OXR1: variants seen among roughly 807,000 people sequenced by gnomAD.
The protein encoded by OXR1 is oxidation resistance 1.
In OXR1, 41 loss-of-function variants were observed where a neutral mutation model predicts 104.6. The ratio of observed to expected loss-of-function variants is 0.39; its 90% CI spans 0.31 to 0.51. The LOEUF (loss-of-function observed/expected upper bound fraction) is 0.51, where lower values mean the gene tolerates loss of function less well. Among genes scored for constraint, OXR1 ranks in the 20% least tolerant of loss-of-function variants. OXR1 has a pLI of 0.77. For missense variants in OXR1, 955 were observed against 1,031.9 expected (o/e 0.93, Z 1.02); for synonymous variants, 348 against 348.4 (o/e 1.00, Z 0.01).
chr8:106,585,110 C>A (rs563196672), intron 3 of OXR1, among the ~76,000 whole-genome samples: 15 of 152,174 alleles, frequency 9.9e-5, no homozygotes, highest in African/African-American at 3.4e-4. Flanking sequence ...ATCATCTCTG[C>A]ACTTTTATGG....
intron 1 of OXR1, among the ~76,000 whole-genome samples, chr8:106,324,042 C>G (rs565916098): frequency 6.6e-6 from 1 of 152,204 alleles, no homozygotes; most frequent in South Asian, 2.1e-4. Context: ...ATCATTTTAC[C>G]ATAAAGATGC....
intron 3 of OXR1, among the ~76,000 whole-genome samples, chr8:106,673,488 A>G (rs1827249407): frequency 6.6e-6 from 1 of 152,240 alleles, no homozygotes; most frequent in Non-Finnish European, 1.5e-5. Flanking sequence ...AGCAGAGCTA[A>G]AAAGTTTGGA....
chr8:106,572,545 C>A (rs1817152), intron 3 of OXR1, among the ~76,000 whole-genome samples: 76,329 of 151,964 alleles, frequency 0.5, 19,384 homozygotes, highest in African/African-American at 0.54. Flanking sequence ...GACCCAAGCC[C>A]TACCTTTGAT....
At chr8:106,641,150 C>T (rs1823592852) in intron 3 of OXR1, among the ~76,000 whole-genome samples, 1 of 152,200 alleles carries the variant, frequency 6.6e-6, no homozygotes, top group African/African-American at 2.4e-5. Context: ...TTGCACACAG[C>T]TGTCTTCTTC....
chr8:106,718,799 A>C (rs2131444098), intron 11 of OXR1, among the ~76,000 whole-genome samples: 1 of 150,938 alleles, frequency 6.6e-6, no homozygotes, highest in South Asian at 2.1e-4. Flanking sequence ...AGATCATGCC[A>C]CTGCACTGCA....
intron 2 of OXR1, among the ~76,000 whole-genome samples, chr8:106,369,560 G>C (rs1816620514): frequency 6.6e-6 from 1 of 152,120 alleles, no homozygotes; most frequent in African/African-American, 2.4e-5. Context: ...AATCCATCTT[G>C]AGTTAATTTT....
At chr8:106,451,294 A>G (rs55862649) in intron 2 of OXR1, among the ~76,000 whole-genome samples, 2 of 152,296 alleles carry the variant, frequency 1.3e-5, no homozygotes, top group African/African-American at 2.4e-5. Flanking sequence ...GCTTATTATC[A>G]TTGCAATTGG....
At chr8:106,339,299 T>C (rs1297749854) in intron 1 of OXR1, among the ~76,000 whole-genome samples, 1 of 150,890 alleles carries the variant, frequency 6.6e-6, no homozygotes. Context: ...ATAGAGACCA[T>C]CCTGGCTAAC....
chr8:106,273,108 C>A (rs1811883831), intron 1 of OXR1, among the ~76,000 whole-genome samples: 1 of 151,930 alleles, frequency 6.6e-6, no homozygotes, highest in African/African-American at 2.4e-5. Flanking sequence ...AGGATTGTAC[C>A]CTTGGGCTGG....
In OXR1 at chr8:106,665,788, A is replaced by G. The variant is rs548836673; in HGVS notation, c.221-13422A>G. ...CAAAAAGGAATGTGTTTTAGGGTCA[A>G]ATACATACATTAGAGAAAGGACAAA... On this transcript the variant is annotated intron_variant, in intron 3 of 16. Transcript: ENST00000517566. Among the ~76,000 whole-genome samples the G allele has an allele frequency of 2.6e-5, 4 of 152,328 alleles. No individual in the cohort carries two copies. The East Asian group carries it at 7.7e-4, about 29-fold the overall frequency.
chr8:106,709,348 C>G (rs193075395), intron 9 of OXR1, among the ~76,000 whole-genome samples: 2 of 151,892 alleles, frequency 1.3e-5, no homozygotes, highest in Admixed American at 6.6e-5. Context: ...ATTTATTTAA[C>G]CATTTGCTTA....
intron 3 of OXR1, among the ~76,000 whole-genome samples, chr8:106,573,344 TACACAC>T (rs3046716): frequency 0.45 from 66,614 of 146,578 alleles, 15,055 homozygotes; most frequent in African/African-American, 0.55. Context: ...AACCATCACA[TACACAC>T]ACACACACAC....
intron 3 of OXR1, among the ~76,000 whole-genome samples, chr8:106,647,207 G>C (rs1479760406): frequency 6.6e-6 from 1 of 152,124 alleles, no homozygotes; most frequent in Non-Finnish European, 1.5e-5. Context: ...TTTCAGAATT[G>C]AAAGAAAATT....
At chr8:106,549,873 T>C (rs556872538) in intron 3 of OXR1, among the ~76,000 whole-genome samples, 12 of 152,172 alleles carry the variant, frequency 7.9e-5, no homozygotes, top group Non-Finnish European at 1.8e-4. Context: ...ACATATGACT[T>C]TTGGACAACA....
chr8:106,595,153 C>T (rs1819416985), intron 3 of OXR1, among the ~76,000 whole-genome samples: 1 of 152,238 alleles, frequency 6.6e-6, no homozygotes, highest in African/African-American at 2.4e-5. Flanking sequence ...AACTTCTGTT[C>T]TCTAGACTCT....
rs372084832 is a variant in OXR1, at chr8:106,328,695, G to A, written c.-138-30781G>A. Among the ~76,000 whole-genome samples, 13 of 152,174 alleles carry A rather than the reference G, an allele frequency of 8.5e-5. 1 individual carries two copies. In the East Asian group the frequency reaches 1.7e-3, roughly 20 times the overall value. ...AGAATAAAGAATAAAAGGCAAGAAA[G>A]TAATAAGAAAAAAGAAAACCCTTGA... On this transcript the variant is annotated intron_variant, in intron 1 of 16. Coordinates refer to ENST00000517566, the MANE Select transcript of OXR1 (RefSeq NM_001198533.2).
intron 2 of OXR1, among the ~76,000 whole-genome samples, chr8:106,511,132 T>C (rs1812497324): frequency 6.6e-6 from 1 of 152,206 alleles, no homozygotes; most frequent in African/African-American, 2.4e-5. Flanking sequence ...TATCATTTCT[T>C]CTGTGGTTGA....
chr8:106,715,702 T>C (rs1489446789), intron 11 of OXR1, among the ~76,000 whole-genome samples: 1 of 152,120 alleles, frequency 6.6e-6, no homozygotes, highest in Non-Finnish European at 1.5e-5. Flanking sequence ...TTGTCAGTCA[T>C]GAACGGGAAT....
intron 3 of OXR1, among the ~76,000 whole-genome samples, chr8:106,584,379 G>T (rs1476118292): frequency 6.6e-6 from 1 of 151,906 alleles, no homozygotes; most frequent in Non-Finnish European, 1.5e-5. Context: ...TCCCAGAACT[G>T]AAGGACATGA....
Sources: allele counts gnomAD v4.1 joint callset (sites outside exome capture counted in the v4.1 genomes callset), GRCh38; gene constraint gnomAD v4.1.1; transcripts MANE v1.5; gene names NCBI Gene and HGNC (gene_info 2026-07-23, HGNC 2026-07-21).